Variants in SCARA5 observed in about 807,000 individuals in gnomAD.
SCARA5 encodes scavenger receptor class A, member 5 (putative).
Under a neutral mutation model 46.3 loss-of-function variants are expected in SCARA5, and 45 were observed. The ratio of observed to expected loss-of-function variants is 0.97; its 90% confidence interval spans 0.76 to 1.24. SCARA5 has a LOEUF of 1.24. SCARA5 is among the 50% of genes most tolerant of loss of function. The pLI, the probability that SCARA5 is intolerant of heterozygous loss-of-function variation, is 0.00. For synonymous variants in SCARA5, 333 were observed against 306.5 expected (o/e 1.09, Z -0.90); for missense variants, 680 against 689.0 (o/e 0.99, Z 0.15).
chr8:27,904,821 TG>T lies in SCARA5; in HGVS notation c.1109del (p.Pro370GlnfsTer22), dbSNP rs1357078837. 4 of 1,611,116 alleles carry T rather than the reference TG, an allele frequency of 2.5e-6. No homozygotes were observed. Among genetic ancestry groups the T allele is most frequent in the Non-Finnish European group, 3.4e-6 (4 of 1,178,422 alleles). ...GMRGFKGDRG[P>X]KGEKGEKGDR... ...CTCCTTTCTCTCCTTTCTCTCCTTT[TG>T]GGCCTCGGTCACCTAAAACAGAGGA... On this transcript the variant is annotated frameshift_variant, in exon 7 of 9. Coordinates refer to ENST00000354914, the MANE Select transcript of SCARA5 (RefSeq NM_173833.6). LOFTEE classifies it high-confidence loss of function.
intron 3 of SCARA5, 129 bp from the exon 4 acceptor site, chr8:27,922,374 G>A: frequency 1.6e-6 from 1 of 623,728 alleles, no homozygotes; most frequent in Non-Finnish European, 2.6e-6. Flanking sequence ...AAAATCACAG[G>A]TGGTGTGCTG....
At chr8:27,905,939 G>A (rs2685364) in intron 6 of SCARA5, among the ~76,000 whole-genome samples, 83,320 of 151,868 alleles carry the variant, frequency 0.55, 23,680 homozygotes, top group Non-Finnish European at 0.63. Flanking sequence ...TTGAACTCCT[G>A]GCCTCAAGTG....
At chr8:27,898,646 C>T (rs1807101317) in intron 7 of SCARA5, among the ~76,000 whole-genome samples, 1 of 152,184 alleles carries the variant, frequency 6.6e-6, no homozygotes, top group East Asian at 1.9e-4. Context: ...TCTGGAGCAT[C>T]TTTTTAAAAT....
intron 8 of SCARA5, 72 bp from the exon 9 acceptor site, chr8:27,872,142 G>A: frequency 1.2e-5 from 18 of 1,547,262 alleles, no homozygotes; most frequent in Non-Finnish European, 1.6e-5. Flanking sequence ...GAGCATAACT[G>A]TGCCTGCCCT....
At chr8:27,879,091 G>GA (rs956076030) in intron 8 of SCARA5, among the ~76,000 whole-genome samples, 2 of 151,900 alleles carry the variant, frequency 1.3e-5, no homozygotes, top group Admixed American at 1.3e-4. Context: ...TTCCCTCCTT[G>GA]AAAAAAGAAA....
At chr8:27,885,298 G>A (rs113020882) in intron 7 of SCARA5, among the ~76,000 whole-genome samples, 1,784 of 152,278 alleles carry the variant, frequency 0.012, 25 homozygotes, top group African/African-American at 0.04. Context: ...ACTCCTTTCT[G>A]TACTCTGGCC....
At chr8:27,925,573 T>A (rs1304089802) in intron 3 of SCARA5, among the ~76,000 whole-genome samples, 1 of 152,142 alleles carries the variant, frequency 6.6e-6, no homozygotes, top group Non-Finnish European at 1.5e-5. Flanking sequence ...GACATAGGCA[T>A]GGGCAAGGAC....
At position 27,896,935 on chromosome 8, in the gene SCARA5, T is replaced by C. The variant is rs149655247; in HGVS notation, c.1153+7843A>G. ...GGTGAAACCCTGCCTCTACTAAAAG[T>C]ACAAAAATTAGCTGGGTGTGGTGGT... On this transcript the variant is annotated intron_variant, in intron 7 of 8. Transcript: ENST00000354914. Among the ~76,000 whole-genome samples, 1,300 of 152,008 alleles carry C rather than the reference T, an allele frequency of 8.6e-3. 17 individuals are homozygous for C. The highest frequency in any genetic ancestry group is 0.03 in the African/African-American group (1,223 of 41,450).
chr8:27,936,611 A>AAAAAAAAAAAT (rs1807862022), intron 3 of SCARA5, among the ~76,000 whole-genome samples: 2 of 147,786 alleles, frequency 1.4e-5, no homozygotes, highest in Non-Finnish European at 3.0e-5. Flanking sequence ...AAAAAAAAAA[A>AAAAAAAAAAAT]GGTGGGGATG....
intron 4 of SCARA5, 114 bp downstream of exon 4, chr8:27,921,457 G>A: frequency 1.2e-6 from 1 of 858,392 alleles, no homozygotes; most frequent in South Asian, 1.9e-5. Flanking sequence ...AATGGCAAGT[G>A]CACTTGGGGA....
chr8:27,953,492 C>G (rs910299591), intron 3 of SCARA5, among the ~76,000 whole-genome samples: 1 of 152,190 alleles, frequency 6.6e-6, no homozygotes, highest in African/African-American at 2.4e-5. Flanking sequence ...GATCTTATAC[C>G]TTAGACGGTT....
rs186239065 is a variant in SCARA5 at position 27,984,263 on chromosome 8, A to G, written c.112+3241T>C. On this transcript the variant is annotated intron_variant, in intron 2 of 8. Coordinates refer to ENST00000354914, the MANE Select transcript of SCARA5 (RefSeq NM_173833.6). ...GCTCATCATTTTCCTCTCTGAAATG[A>G]AAGGAAAAGGGGGAAAAATCAAATT... Among the ~76,000 whole-genome samples, 132 of 152,326 alleles carry G rather than the reference A, an allele frequency of 8.7e-4. 1 individual carries two copies. Among genetic ancestry groups the G allele is most frequent in the Admixed American group, 4.0e-3 (61 of 15,312 alleles).
At chr8:27,978,502 C>CTTATTTATTTAT (rs369346257) in intron 2 of SCARA5, among the ~76,000 whole-genome samples, 116 of 151,628 alleles carry the variant, frequency 7.7e-4, no homozygotes, top group African/African-American at 2.7e-3. Context: ...CATGGCTCAT[C>CTTATTTATTTAT]TTATTTATTT....
intron 3 of SCARA5, among the ~76,000 whole-genome samples, chr8:27,931,552 G>T (rs1807773550): frequency 6.6e-6 from 1 of 152,186 alleles, no homozygotes; most frequent in Non-Finnish European, 1.5e-5. Context: ...TCTTGACTCT[G>T]ACTCATGAGT....
At chr8:27,892,445 G>C (rs1291147877) in intron 7 of SCARA5, among the ~76,000 whole-genome samples, 1 of 152,136 alleles carries the variant, frequency 6.6e-6, no homozygotes, top group Non-Finnish European at 1.5e-5. Flanking sequence ...ACTTGCCTCT[G>C]TGGGTCCTGG....
In SCARA5 at chr8:27,888,064, C is replaced by CT. The variant is rs148971774; in HGVS notation, c.1154-8299dup. ...TGAGGCCTGAACTCTGATTGACGGA[C>CT]TTTTTTTTTTGAGACAAGGTCTGGC... On this transcript the variant is annotated intron_variant, in intron 7 of 8. Coordinates refer to ENST00000354914, the MANE Select transcript of SCARA5 (RefSeq NM_173833.6). Among the ~76,000 whole-genome samples, 1,975 of 149,038 alleles carry CT rather than the reference C, an allele frequency of 0.013. 105 individuals are homozygous for CT. In the East Asian group the frequency reaches 0.14, roughly 11 times the overall value.
intron 2 of SCARA5, among the ~76,000 whole-genome samples, chr8:27,977,851 G>C (rs1237107508): frequency 6.6e-6 from 1 of 152,216 alleles, no homozygotes; most frequent in East Asian, 1.9e-4. Flanking sequence ...CCCAAGCAGG[G>C]ATGGGCTCCG....
At chr8:27,985,133 T>C (rs576672433) in intron 2 of SCARA5, among the ~76,000 whole-genome samples, 9 of 152,236 alleles carry the variant, frequency 5.9e-5, no homozygotes, top group Non-Finnish European at 1.0e-4. Context: ...GAATGGATAA[T>C]AAATGATACA....
rs1186629116 is a variant in SCARA5, at chr8:27,871,183, CA to C, written c.*750del. The C allele has an allele frequency of 1.3e-5, 2 of 152,494 alleles. No homozygotes were observed. The highest frequency in any genetic ancestry group is 4.8e-5 in the African/African-American group (2 of 41,462). The allele number at this position is 152,494 out of a possible 1,614,324, so 9.4% of individuals were successfully genotyped here. A position where few individuals can be genotyped will look rare whatever the true frequency, so the allele number is the denominator to read the frequency against. ...TTACTTGCAGTCTAGGTGAATGGAC[CA>C]GTTAAGTGCTACCTGGAGGTAAGGC... On this transcript the variant is annotated 3_prime_UTR_variant, in exon 9 of 9. Coordinates refer to ENST00000354914, the MANE Select transcript of SCARA5 (RefSeq NM_173833.6).
Sources: gnomAD v4.1 joint callset for allele counts (sites outside exome capture counted in the v4.1 genomes callset) on GRCh38, gnomAD v4.1.1 for gene constraint, MANE v1.5 for transcripts, NCBI Gene and HGNC (gene_info 2026-07-23, HGNC 2026-07-21) for gene names.